The following AQP3 variants were observed in gnomAD, a reference collection of about 807,000 sequenced individuals.
AQP3 encodes aquaporin-3.
Under a neutral mutation model 30.3 loss-of-function variants are expected in AQP3, and 15 were observed. That is an observed-to-expected ratio of 0.49 (90% CI 0.33 to 0.76). The LOEUF (loss-of-function observed/expected upper bound fraction) is 0.76. Ranked by LOEUF, AQP3 falls within the 30% of genes least tolerant of loss-of-function variation. The probability of loss-of-function intolerance (pLI) is 0.02; values close to 1 mark genes in which losing one functional copy is unlikely to be tolerated. For synonymous variants in AQP3, 153 were observed against 163.2 expected, an observed-to-expected ratio of 0.94 and a Z score of 0.47; for missense variants, 272 against 384.8, an observed-to-expected ratio of 0.71 and a Z score of 2.45.
rs753537520 is a variant in AQP3, at chr9:33,442,056, T to C, written c.866A>G (p.Lys289Arg). 4 of 1,613,752 alleles carry C rather than the reference T, an allele frequency of 2.5e-6. No individual in the cohort carries two copies. In the African/African-American group the frequency reaches 4.0e-5, roughly 16 times the overall value. Reference sequence around the variant, plus strand: ...GCCCCTGCCCACTCAGATCTGCTCCTTGTGCTTCACATGGGCCAGCTTCAC... The same window carrying C: ...GCCCCTGCCCACTCAGATCTGCTCCCTGTGCTTCACATGGGCCAGCTTCAC... The part of the protein sequence containing the change: ...ENVKLAHVKH[K>R]EQI The change falls in exon 6 of 6, where the codon AAG (lysine) becomes AGG (arginine). Residue 289 changes from lysine (K) to arginine (R), a missense_variant. By Grantham distance (26) the Lys-to-Arg change is conservative. Transcript: ENST00000297991.
At chr9:33,442,554 C>CCCTGTTCTCCCCA in intron 4 of AQP3, 36 bp from the exon 5 acceptor site, 1 of 1,560,346 alleles carries the variant, frequency 6.4e-7, no homozygotes, top group Non-Finnish European at 8.7e-7. Flanking sequence ...GCTGCAGCTC[C>CCCTGTTCTCCCCA]CTCCCTTTCT....
rs1299018963 is a variant in AQP3, at chr9:33,443,272, G to A, written c.373+49C>T. The A allele has an allele frequency of 3.2e-6, 5 of 1,558,484 alleles. No individual in the cohort carries two copies. The African/African-American group carries it at 5.4e-5, about 17-fold the overall frequency. ...AAAAGGCCTGGTGCCAGCAGGTCCTGAACAGAGGGACGGGGGTAGTGGAGG... is the reference window on the plus strand; with the variant it reads ...AAAAGGCCTGGTGCCAGCAGGTCCTAAACAGAGGGACGGGGGTAGTGGAGG... On this transcript the variant is annotated intron_variant, in intron 3 of 5. Transcript: ENST00000297991. This position sits in a 1 kb window ranked among gnomAD's most constrained non-coding sequence, Gnocchi z 5.0.
intron 1 of AQP3, among the ~76,000 whole-genome samples, chr9:33,446,373 C>T (rs184168151): frequency 1.4e-4 from 22 of 152,332 alleles, no homozygotes; most frequent in African/African-American, 5.1e-4. Flanking sequence ...GGGATCCCTA[C>T]TTGCCCTTAG....
Position 33,443,631 on chromosome 9 carries a change from C to T in AQP3, c.235+135G>A, listed in dbSNP as rs1826874598. ...GGTGAGAGTCGAAAGTTCTAAGTGT[C>T]AAGTTTCTTCTCCACCCTCCTTTCC... On this transcript the variant is annotated intron_variant, in intron 2 of 5. Coordinates refer to ENST00000297991, the MANE Select transcript of AQP3 (RefSeq NM_004925.5). The surrounding 1 kb of genome is among the most constrained non-coding windows in gnomAD (Gnocchi z 5.0). 6.7e-7 allele frequency: 1 copy of T among 1,500,916 alleles called. No homozygotes were observed. The highest frequency in any genetic ancestry group is 2.3e-5 in the East Asian group (1 of 42,974). 93.0% of individuals were successfully genotyped at this position (1,500,916 alleles called of 1,614,324 possible).
intron 1 of AQP3, among the ~76,000 whole-genome samples, chr9:33,446,162 C>T (rs1357632341): frequency 1.3e-5 from 2 of 152,166 alleles, no homozygotes; most frequent in African/African-American, 4.8e-5. Context: ...GTGAGGGCTC[C>T]GAGGCAGGAG....
intron 1 of AQP3, among the ~76,000 whole-genome samples, chr9:33,444,820 C>T (rs1403966373): frequency 6.6e-6 from 1 of 152,074 alleles, no homozygotes; most frequent in Non-Finnish European, 1.5e-5. Flanking sequence ...CCCATGACCT[C>T]TCTGCTCTCA....
chr9:33,443,190 G>T lies in AQP3; in HGVS notation c.373+131C>A. The T allele has an allele frequency of 7.3e-7, 1 of 1,371,574 alleles. No individual in the cohort carries two copies. The highest frequency in any genetic ancestry group is 1.0e-6 in the Non-Finnish European group (1 of 988,062). 85.0% of individuals were successfully genotyped at this position (1,371,574 alleles called of 1,614,324 possible). On this transcript the variant is annotated intron_variant, in intron 3 of 5. Transcript: ENST00000297991. The surrounding 1 kb of genome is among the most constrained non-coding windows in gnomAD (Gnocchi z 5.0). ...TTCGTGCCCCCTACCTTGACCCTGT[G>T]CGTGAATGAGTGAGTCATGAGCCCG...
Position 33,441,847 on chromosome 9 carries a change from G to T in AQP3, c.*196C>A. The T allele has an allele frequency of 1.2e-6, 1 of 849,500 alleles. No homozygotes were observed. The highest frequency in any genetic ancestry group is 1.8e-6 in the Non-Finnish European group (1 of 541,162). 52.6% of individuals were successfully genotyped at this position (849,500 alleles called of 1,614,324 possible). On this transcript the variant is annotated 3_prime_UTR_variant, in exon 6 of 6. Coordinates refer to ENST00000297991, the MANE Select transcript of AQP3 (RefSeq NM_004925.5). ...AAATTCCGGTTCCACCCCAGCTTAG[G>T]GGCAGTGGCCTAAGGTGCTATTTGG...
chr9:33,444,599 C>CA (rs34738732), intron 1 of AQP3, among the ~76,000 whole-genome samples: 4,648 of 113,092 alleles, frequency 0.041, 267 homozygotes, highest in African/African-American at 0.15. Flanking sequence ...GACTCCATCT[C>CA]AAAAAAAAAA....
At position 33,443,480 on chromosome 9, in the gene AQP3, C is replaced by T. The variant is rs375200684; in HGVS notation, c.236-22G>A. ...GCCCCTGGGCAGAGGGGACAAGGGA[C>T]CTATTAGCTGCAGCCTGCCACAGTC... On this transcript the variant is annotated intron_variant, in intron 2 of 5. Coordinates refer to ENST00000297991, the MANE Select transcript of AQP3 (RefSeq NM_004925.5). The surrounding 1 kb of genome is among the most constrained non-coding windows in gnomAD (Gnocchi z 5.0). 18 of 1,609,484 alleles carry T rather than the reference C, an allele frequency of 1.1e-5. No individual in the cohort carries two copies. In the Middle Eastern group the frequency reaches 6.6e-4, roughly 59 times the overall value.
In AQP3 at chr9:33,443,461, G is replaced by A. The variant is rs551112856; in HGVS notation, c.236-3C>T. The stretch of plus-strand genomic sequence containing the variant: ...CACGGCAGGGTTCAGGTGGGCCCCT[G>A]GGCAGAGGGGACAAGGGACCTATTA... On this transcript the variant is annotated splice_region_variant and splice_polypyrimidine_tract_variant and intron_variant, in intron 2 of 5. Transcript: ENST00000297991. The surrounding 1 kb of genome is among the most constrained non-coding windows in gnomAD (Gnocchi z 5.0). 2 of 1,611,522 alleles carry A rather than the reference G, an allele frequency of 1.2e-6. No homozygotes were observed. Among genetic ancestry groups the A allele is most frequent in the South Asian group, 2.2e-5 (2 of 90,384 alleles).
At chr9:33,447,306 C>A in intron 1 of AQP3, 117 bp downstream of exon 1, 1 of 899,204 alleles carries the variant, frequency 1.1e-6, no homozygotes, top group South Asian at 1.4e-5. Context: ...GCGTGGGGGT[C>A]ACAGCTGGGG....
At chr9:33,444,593 C>G (rs1045971338) in intron 1 of AQP3, among the ~76,000 whole-genome samples, 1 of 135,122 alleles carries the variant, frequency 7.4e-6, no homozygotes, top group Non-Finnish European at 1.6e-5. Flanking sequence ...GAGCGGGACT[C>G]CATCTCAAAA....
intron 1 of AQP3, among the ~76,000 whole-genome samples, chr9:33,447,131 C>T (rs1297295670): frequency 1.3e-5 from 2 of 152,176 alleles, no homozygotes; most frequent in Non-Finnish European, 2.9e-5. Flanking sequence ...CAAGCGTGAC[C>T]GCTGCCCCCA....
In AQP3 at chr9:33,443,742, C is replaced by G; in HGVS notation, c.235+24G>C. 1 of 1,613,800 alleles carries G rather than the reference C, an allele frequency of 6.2e-7. No individual in the cohort carries two copies. The highest frequency in any genetic ancestry group is 8.5e-7 in the Non-Finnish European group (1 of 1,179,932). ...TGGGAATGCTATTGAGGGCCAAGGGCTGGGGGCAGGGTTAAGGCCTTACCA... is the reference window on the plus strand; with the variant it reads ...TGGGAATGCTATTGAGGGCCAAGGGGTGGGGGCAGGGTTAAGGCCTTACCA... On this transcript the variant is annotated intron_variant, in intron 2 of 5. Coordinates refer to ENST00000297991, the MANE Select transcript of AQP3 (RefSeq NM_004925.5). The surrounding 1 kb of genome is among the most constrained non-coding windows in gnomAD (Gnocchi z 5.0).
Position 33,443,218 on chromosome 9 carries a change from G to C in AQP3, c.373+103C>G. 1 of 1,479,792 alleles carries C rather than the reference G, an allele frequency of 6.8e-7. No homozygotes were observed. Among genetic ancestry groups the C allele is most frequent in the South Asian group, 1.2e-5 (1 of 81,942 alleles). 91.7% of individuals were successfully genotyped at this position (1,479,792 alleles called of 1,614,324 possible). A position where few individuals can be genotyped will look rare whatever the true frequency, so the allele number is the denominator to read the frequency against. On this transcript the variant is annotated intron_variant, in intron 3 of 5. Transcript: ENST00000297991. The surrounding 1 kb of genome is among the most constrained non-coding windows in gnomAD (Gnocchi z 5.0). ...TGAATGAGTGAGTCATGAGCCCGGG[G>C]CCTGGGCAGGTCCTAGCCGTCTGTC...
rs111748641 is a variant in AQP3, at chr9:33,443,655, C to G, written c.235+111G>C. 117 of 1,558,342 alleles carry G rather than the reference C, an allele frequency of 7.5e-5. 1 individual carries two copies. The African/African-American group carries it at 1.3e-3, about 17-fold the overall frequency. On this transcript the variant is annotated intron_variant, in intron 2 of 5. Coordinates refer to ENST00000297991, the MANE Select transcript of AQP3 (RefSeq NM_004925.5). This position sits in a 1 kb window ranked among gnomAD's most constrained non-coding sequence, Gnocchi z 5.0. ...TCAAGTTTCTTCTCCACCCTCCTTT[C>G]CCAAGGGGCCAAAGCAGAGGCCACA...
rs1180932340 is a variant in AQP3, at chr9:33,447,511, A to G, written c.20T>C (p.Leu7Pro). Reference sequence around the variant, plus strand: ...GAGCATCTCCCCGCAGCGGGACACCAGCTCCTTCTGTCGACCCATGGCGGG... The same window carrying G: ...GAGCATCTCCCCGCAGCGGGACACCGGCTCCTTCTGTCGACCCATGGCGGG... Reference protein sequence around the residue: MGRQKELVSRCGEMLHI... With the variant: MGRQKEPVSRCGEMLHI... Residue 7 changes from leucine (L) to proline (P), a missense_variant, in exon 1 of 6, where the codon CTG becomes CCG. Around this residue, in one of 3 missense-constraint regions of AQP3, gnomAD observed 51 missense variants for 46.5 expected, o/e 1.10. Transcript: ENST00000297991. 1 of 1,608,142 alleles carries G rather than the reference A, an allele frequency of 6.2e-7. No individual in the cohort carries two copies. Among genetic ancestry groups the G allele is most frequent in the Non-Finnish European group, 8.5e-7 (1 of 1,177,710 alleles).
Position 33,443,739 on chromosome 9 carries a change from G to C in AQP3, c.235+27C>G. The stretch of plus-strand genomic sequence containing the variant: ...TAGTGGGAATGCTATTGAGGGCCAA[G>C]GGCTGGGGGCAGGGTTAAGGCCTTA... On this transcript the variant is annotated intron_variant, in intron 2 of 5. Coordinates refer to ENST00000297991, the MANE Select transcript of AQP3 (RefSeq NM_004925.5). This position sits in a 1 kb window ranked among gnomAD's most constrained non-coding sequence, Gnocchi z 5.0. 1 of 1,613,652 alleles carries C rather than the reference G, an allele frequency of 6.2e-7. No individual in the cohort carries two copies. The highest frequency in any genetic ancestry group is 1.1e-5 in the South Asian group (1 of 90,902).
Sources: gnomAD v4.1 joint callset for allele counts (sites outside exome capture counted in the v4.1 genomes callset) on GRCh38, gnomAD v4.1.1 for gene constraint, gnomAD v4.1.1 regional missense constraint, Gnocchi (gnomAD v3.1) non-coding constraint, MANE v1.5 for transcripts, NCBI Gene and HGNC (gene_info 2026-07-23, HGNC 2026-07-21) for gene names.